Variants in CTSE observed in about 807,000 individuals in gnomAD.
CTSE encodes the protein cathepsin E, also known as erythrocyte membrane aspartic proteinase.
In CTSE, 43 loss-of-function variants were observed where a neutral mutation model predicts 42.8. The observed-to-expected ratio is 1.01, with a 90% CI of 0.79 to 1.30. The LOEUF (loss-of-function observed/expected upper bound fraction) is 1.30, where lower values mean the gene tolerates loss of function less well. Among genes scored for constraint, CTSE ranks in the 50% most tolerant of loss-of-function variants. The pLI, the probability that CTSE is intolerant of heterozygous loss-of-function variation, is 0.00. For synonymous variants in CTSE, 205 were observed against 191.5 expected (o/e 1.07, Z -0.58); for missense variants, 532 against 493.5 (o/e 1.08, Z -0.74).
chr1:206,012,163 T>C (rs1237716167), intron 8 of CTSE, 145 bp downstream of exon 8: 3 of 663,960 alleles, frequency 4.5e-6, no homozygotes, highest in Non-Finnish European at 7.7e-6. Context: ...GCTGTGTCCC[T>C]CCCAGAGGGA....
rs782546838 is a variant in CTSE, at chr1:206,021,062, G to T, written c.449C>A (p.Ala150Asp). The change falls in exon 4 of 9, where the codon GCC (alanine) becomes GAC (aspartate). Residue 150 changes from alanine to aspartate, a missense_variant. Physicochemically the swap from Ala to Asp is moderately radical, Grantham distance 126. Transcript: ENST00000358184. ...GTGSLSGIIGADQVSVEGLTV... is the reference protein window; with the variant it reads ...GTGSLSGIIGDDQVSVEGLTV... Reference sequence around the variant, plus strand: ...ACTTGCACTCACAGAGACTTGGTCGGCTCCAATGATCCCGGACAAGCTCCC... The same window carrying T: ...ACTTGCACTCACAGAGACTTGGTCGTCTCCAATGATCCCGGACAAGCTCCC... The T allele has an allele frequency of 3.7e-5, 60 of 1,609,640 alleles. No individual in the cohort carries two copies. The highest frequency in any genetic ancestry group is 6.7e-5 in the African/African-American group (5 of 74,852).
chr1:206,010,876 A>G (rs1221424280), intron 8 of CTSE, among the ~76,000 whole-genome samples: 1 of 152,106 alleles, frequency 6.6e-6, no homozygotes, highest in African/African-American at 2.4e-5. Context: ...GTTCAAGAGA[A>G]GAGTGTCACC....
chr1:206,019,907 A>C (rs1661366006), intron 4 of CTSE, among the ~76,000 whole-genome samples: 1 of 142,938 alleles, frequency 7.0e-6, no homozygotes, highest in South Asian at 2.1e-4. Context: ...CATACAACAT[A>C]TTAATATATT....
chr1:206,012,691 G>C lies in CTSE; in HGVS notation c.786-42C>G, dbSNP rs145536836. 3.5e-4 allele frequency: 560 copies of C among 1,598,856 alleles called. 6 individuals carry two copies. The highest frequency in any genetic ancestry group is 2.4e-3 in the African/African-American group (181 of 74,614). On this transcript the variant is annotated intron_variant, in intron 6 of 8. Transcript: ENST00000358184. ...GTGGTCGGCCCACCTTCCCTCCCCCGGCTCCTAGGAAACTCCCACTCTTTT... is the reference window on the plus strand; with the variant it reads ...GTGGTCGGCCCACCTTCCCTCCCCCCGCTCCTAGGAAACTCCCACTCTTTT...
At chr1:206,021,242 C>T (rs544520054) in intron 3 of CTSE, 75 bp from the exon 4 acceptor site, 19 of 1,173,208 alleles carry the variant, frequency 1.6e-5, no homozygotes, top group South Asian at 1.4e-4. Flanking sequence ...CCACCCAGCC[C>T]CACAGCGGCA....
chr1:206,019,905 ATAT>A (rs1386070544), intron 4 of CTSE, among the ~76,000 whole-genome samples: 4 of 142,746 alleles, frequency 2.8e-5, no homozygotes, highest in African/African-American at 5.1e-5. Context: ...TACATACAAC[ATAT>A]TAATATATTA....
chr1:206,013,895 C>T lies in CTSE; in HGVS notation c.663-1G>A, dbSNP rs1296662955. ...GCTCCCCGCACCACCTTCTGGGTTA[C>T]TACATGGAGAGAAAGACAAACTGTC... On this transcript the variant is annotated splice_acceptor_variant, in intron 5 of 8. Coordinates refer to ENST00000358184, the MANE Select transcript of CTSE (RefSeq NM_001910.4). LOFTEE classifies it high-confidence loss of function. The T allele has an allele frequency of 2.5e-6, 4 of 1,613,514 alleles. No homozygotes were observed. The highest frequency in any genetic ancestry group is 1.3e-5 in the African/African-American group (1 of 74,906).
intron 4 of CTSE, among the ~76,000 whole-genome samples, chr1:206,020,067 AATT>A (rs1371370090): frequency 6.8e-6 from 1 of 146,020 alleles, no homozygotes; most frequent in Non-Finnish European, 1.5e-5. Context: ...ATAATTATGC[AATT>A]ATTATATACT....
chr1:206,020,386 C>T (rs912098886), intron 4 of CTSE, among the ~76,000 whole-genome samples: 2 of 152,036 alleles, frequency 1.3e-5, no homozygotes, highest in Admixed American at 6.6e-5. Context: ...CGGGAATACC[C>T]CAGGGACCAA....
intron 5 of CTSE, among the ~76,000 whole-genome samples, 156 bp downstream of exon 5, chr1:206,015,775 T>C (rs1407707294): frequency 2.0e-5 from 3 of 152,102 alleles, no homozygotes; most frequent in Non-Finnish European, 4.4e-5. Flanking sequence ...TCCCATTTCC[T>C]CAATATTCAG....
Position 206,016,084 on chromosome 1 carries a change from G to A in CTSE, c.509C>T (p.Thr170Ile). The stretch of plus-strand genomic sequence containing the variant: ...ATCCACAAAGGTCTGGCCTGGCTCT[G>A]TGACACTTTCTCCAAACTGCTGGCC... Reference protein sequence around the residue: ...VVGQQFGESVTEPGQTFVDAE... With the variant: ...VVGQQFGESVIEPGQTFVDAE... The change falls in exon 5 of 9, where the codon ACA (threonine) becomes ATA (isoleucine). Residue 170 changes from threonine (T) to isoleucine (I), a missense_variant. Transcript: ENST00000358184. 6.2e-7 allele frequency: 1 copy of A among 1,613,952 alleles called. No homozygotes were observed. The highest frequency in any genetic ancestry group is 1.3e-5 in the African/African-American group (1 of 75,038).
Position 206,023,825 on chromosome 1 carries a change from C to T in CTSE, c.-34G>A. The T allele has an allele frequency of 6.2e-7, 1 of 1,606,714 alleles. No individual in the cohort carries two copies. Among genetic ancestry groups the T allele is most frequent in the Non-Finnish European group, 8.5e-7 (1 of 1,173,652 alleles). ...CGACCAGCAGCTTCTCCCTTGCCCC[C>T]TCCTTTCTTCTCTCCCCGAGGGCAG... On this transcript the variant is annotated 5_prime_UTR_variant, in exon 1 of 9. Transcript: ENST00000358184.
At chr1:206,023,113 C>T (rs1190064335) in intron 1 of CTSE, 56 bp from the exon 2 acceptor site, 10 of 1,366,266 alleles carry the variant, frequency 7.3e-6, no homozygotes, top group South Asian at 4.6e-5. Flanking sequence ...CTCTTCCCCC[C>T]ATTCTCGTCC....
At chr1:206,014,862 C>T (rs1241437170) in intron 5 of CTSE, among the ~76,000 whole-genome samples, 2 of 152,010 alleles carry the variant, frequency 1.3e-5, no homozygotes, top group African/African-American at 4.8e-5. Context: ...AGGCCTGGTC[C>T]TGAGTGCTGT....
chr1:206,021,247 G>T, intron 3 of CTSE, 80 bp from the exon 4 acceptor site: 1 of 1,117,180 alleles, frequency 9.0e-7, no homozygotes, highest in Non-Finnish European at 1.4e-6. Flanking sequence ...CAGCCCCACA[G>T]CGGCAGGGTC....
intron 3 of CTSE, among the ~76,000 whole-genome samples, chr1:206,021,733 A>G (rs528708436): frequency 1.6e-4 from 24 of 152,160 alleles, no homozygotes; most frequent in African/African-American, 5.8e-4. Flanking sequence ...TGTGTGCACC[A>G]GGAGATAAGG....
At position 206,009,276 on chromosome 1, in the gene CTSE, CTTTGTAATGAATGAT is replaced by C. The variant is rs1661014899; in HGVS notation, c.*892_*906del. The C allele has an allele frequency of 2.0e-5, 3 of 151,998 alleles. No homozygotes were observed. Among genetic ancestry groups the C allele is most frequent in the Admixed American group, 1.3e-4 (2 of 15,250 alleles). 9.4% of individuals were successfully genotyped at this position (151,998 alleles called of 1,614,324 possible). A position where few individuals can be genotyped will look rare whatever the true frequency, so the allele number is the denominator to read the frequency against. ...TGAAACGATCAGGTAAAATGCTGAA[CTTTGTAATGAATGAT>C]TAAAGCCAAGAACTCCAAACCCACC... On this transcript the variant is annotated 3_prime_UTR_variant, in exon 9 of 9. Transcript: ENST00000358184.
rs199845829 is a variant in CTSE, at chr1:206,012,533, A to T, written c.902T>A (p.Ile301Asn). The T allele has an allele frequency of 1.9e-6, 3 of 1,613,852 alleles. No individual in the cohort carries two copies. Among genetic ancestry groups the T allele is most frequent in the Non-Finnish European group, 2.5e-6 (3 of 1,179,942 alleles). The change falls in exon 7 of 9, where the codon ATT becomes AAT. Residue 301 changes from isoleucine (I) to asparagine (N), a missense_variant. Transcript: ENST00000358184. ...TTCTCCATCCACGGGGGCTGCCCCA[A>T]TGGCGTTTTGCAGCTGCTTAATCTT... ...SDKIKQLQNA[I>N]GAAPVDGEYA...
At chr1:206,015,030 G>C (rs1392646852) in intron 5 of CTSE, among the ~76,000 whole-genome samples, 1 of 152,072 alleles carries the variant, frequency 6.6e-6, no homozygotes, top group Non-Finnish European at 1.5e-5. Context: ...TCCTGTGTAA[G>C]GAGGAAGAGG....
Sources: gnomAD v4.1 joint callset for allele counts (sites outside exome capture counted in the v4.1 genomes callset) on GRCh38, gnomAD v4.1.1 for gene constraint, MANE v1.5 for transcripts, NCBI Gene and HGNC (gene_info 2026-07-23, HGNC 2026-07-21) for gene names.